PPFIBP1: variants seen among roughly 807,000 people sequenced by gnomAD.
The protein encoded by PPFIBP1 is liprin-beta-1.
Under a neutral mutation model 137.8 loss-of-function variants are expected in PPFIBP1, and 112 were observed. The observed-to-expected ratio is 0.81, with a 90% confidence interval of 0.70 to 0.95. PPFIBP1 has a LOEUF of 0.95. PPFIBP1 is among the 40% of genes least tolerant of loss of function. The pLI is 0.00. For missense variants in PPFIBP1, 1,083 were observed against 1,196.6 expected (o/e 0.91, Z 1.40); for synonymous variants, 378 against 417.3 (o/e 0.91, Z 1.15).
At chr12:27,620,083 AAC>A (rs200133967) in intron 2 of PPFIBP1, among the ~76,000 whole-genome samples, 5,358 of 152,112 alleles carry the variant, frequency 0.035, 172 homozygotes, top group Non-Finnish European at 0.048. Context: ...CCACCAATAG[AAC>A]ACCTCTCATC....
chr12:27,661,006 A>G (rs529389814), intron 11 of PPFIBP1, 61 bp downstream of exon 11: 5 of 1,589,718 alleles, frequency 3.1e-6, no homozygotes, highest in Non-Finnish European at 4.3e-6. Flanking sequence ...TGACCATTCC[A>G]TGCAATTTCA....
At chr12:27,630,683 A>G (rs1341996740) in intron 2 of PPFIBP1, among the ~76,000 whole-genome samples, 3 of 152,154 alleles carry the variant, frequency 2.0e-5, no homozygotes, top group Non-Finnish European at 4.4e-5. Flanking sequence ...TACATGATGA[A>G]TTGTATAGCG....
At position 27,676,550 on chromosome 12, in the gene PPFIBP1, CT is replaced by C; in HGVS notation, c.1539del (p.Phe513LeufsTer15). On this transcript the variant is annotated frameshift_variant, in exon 18 of 30. Coordinates refer to ENST00000228425, the MANE Select transcript of PPFIBP1 (RefSeq NM_003622.4). LOFTEE classifies it high-confidence loss of function. ...AAGTCAGATCTTCCTTTGGCCGGGG[CT>C]TTTTTAAAATCAAAAGTAACAAGAG... ...RKVRSSFGRG[F>X]FKIKSNKRTA... is the part of the protein sequence containing the mutation. 1.9e-6 allele frequency: 3 copies of C among 1,605,980 alleles called. No individual in the cohort carries two copies. Among genetic ancestry groups the C allele is most frequent in the Admixed American group, 3.4e-5 (2 of 58,546 alleles).
At chr12:27,600,206 G>A (rs1212809709) in intron 2 of PPFIBP1, among the ~76,000 whole-genome samples, 4 of 152,144 alleles carry the variant, frequency 2.6e-5, no homozygotes, top group Admixed American at 6.5e-5. Context: ...GGGAGGTCGA[G>A]GCATGTGGAT....
chr12:27,541,211 C>T (rs1945618206), intron 1 of PPFIBP1, among the ~76,000 whole-genome samples: 1 of 151,612 alleles, frequency 6.6e-6, no homozygotes, highest in African/African-American at 2.4e-5. Context: ...TTATGGGCAC[C>T]CACTATGTAT....
intron 1 of PPFIBP1, among the ~76,000 whole-genome samples, chr12:27,560,102 C>T (rs539647894): frequency 6.6e-6 from 1 of 152,226 alleles, no homozygotes. Flanking sequence ...AAATGTACAC[C>T]CAGAAGTTTT....
At chr12:27,598,194 C>A (rs1239634205) in intron 2 of PPFIBP1, among the ~76,000 whole-genome samples, 6 of 152,026 alleles carry the variant, frequency 3.9e-5, no homozygotes, top group Admixed American at 3.3e-4. Flanking sequence ...AAAGACATAC[C>A]CAAGACTGGG....
At chr12:27,525,777 G>T (rs749214453) in intron 1 of PPFIBP1, among the ~76,000 whole-genome samples, 2 of 152,096 alleles carry the variant, frequency 1.3e-5, no homozygotes, top group Non-Finnish European at 1.5e-5. Flanking sequence ...CTATAGATGG[G>T]GTTCTCTATC....
At chr12:27,535,448 C>T (rs1022462140) in intron 1 of PPFIBP1, among the ~76,000 whole-genome samples, 1 of 152,132 alleles carries the variant, frequency 6.6e-6, no homozygotes, top group Non-Finnish European at 1.5e-5. Context: ...GGATCTCACT[C>T]TGTCACCCAA....
chr12:27,592,066 A>C (rs978492715), intron 2 of PPFIBP1, among the ~76,000 whole-genome samples: 2 of 152,262 alleles, frequency 1.3e-5, no homozygotes, highest in Non-Finnish European at 2.9e-5. Flanking sequence ...AGGAAGCATA[A>C]TACTACTTAA....
intron 1 of PPFIBP1, among the ~76,000 whole-genome samples, chr12:27,568,576 G>A (rs2049883596): frequency 6.6e-6 from 1 of 152,186 alleles, no homozygotes; most frequent in Non-Finnish European, 1.5e-5. Flanking sequence ...TCTCAATCAC[G>A]GAGTGCTTGT....
chr12:27,558,419 G>A (rs1011135105), intron 1 of PPFIBP1, among the ~76,000 whole-genome samples: 1 of 150,942 alleles, frequency 6.6e-6, no homozygotes. Flanking sequence ...TTCCCACAAT[G>A]GATGCAGTAC....
At chr12:27,634,808 T>G in intron 3 of PPFIBP1, 102 bp from the exon 4 acceptor site, 1 of 942,660 alleles carries the variant, frequency 1.1e-6, no homozygotes, top group South Asian at 1.6e-5. Context: ...CTGTTTCTTT[T>G]GATTGTTCCT....
chr12:27,607,611 G>C (rs1230439834), intron 2 of PPFIBP1, among the ~76,000 whole-genome samples: 2 of 152,148 alleles, frequency 1.3e-5, no homozygotes, highest in Non-Finnish European at 2.9e-5. Context: ...GCATTTTTCT[G>C]ACAAGTTCTC....
At chr12:27,554,654 A>G (rs1187106657) in intron 1 of PPFIBP1, among the ~76,000 whole-genome samples, 1 of 152,176 alleles carries the variant, frequency 6.6e-6, no homozygotes, top group Non-Finnish European at 1.5e-5. Flanking sequence ...AATCTGTGAT[A>G]TTGCTGTGAA....
At chr12:27,561,698 C>G (rs948132274) in intron 1 of PPFIBP1, among the ~76,000 whole-genome samples, 10 of 152,090 alleles carry the variant, frequency 6.6e-5, no homozygotes, top group Admixed American at 4.6e-4. Context: ...TGCCTGCTTT[C>G]GTTTCTGTAG....
At chr12:27,574,646 T>G (rs1488440621) in intron 1 of PPFIBP1, among the ~76,000 whole-genome samples, 2 of 152,184 alleles carry the variant, frequency 1.3e-5, no homozygotes, top group Non-Finnish European at 2.9e-5. Context: ...TGACCTAACA[T>G]AACTAACAGA....
chr12:27,624,301 C>T (rs1210475140), intron 2 of PPFIBP1, among the ~76,000 whole-genome samples: 1 of 152,188 alleles, frequency 6.6e-6, no homozygotes, highest in Non-Finnish European at 1.5e-5. Context: ...TGAACAAATT[C>T]CTAACTCCTC....
chr12:27,605,555 G>C (rs2054443698), intron 2 of PPFIBP1, among the ~76,000 whole-genome samples: 1 of 151,954 alleles, frequency 6.6e-6, no homozygotes, highest in African/African-American at 2.4e-5. Flanking sequence ...ATTTTTTGAT[G>C]TTTTATTTAA....
Sources: gnomAD v4.1 joint callset for allele counts (sites outside exome capture counted in the v4.1 genomes callset) on GRCh38, gnomAD v4.1.1 for gene constraint, MANE v1.5 for transcripts, NCBI Gene and HGNC (gene_info 2026-07-23, HGNC 2026-07-21) for gene names.